Variants in AGBL1 observed in about 807,000 individuals in gnomAD.
The protein encoded by AGBL1 is cytosolic carboxypeptidase 4.
A neutral mutation model predicts 118.9 loss-of-function variants in AGBL1; 130 were observed. The ratio of observed to expected loss-of-function variants is 1.09; its 90% CI spans 0.95 to 1.26. AGBL1 has a LOEUF of 1.26. Among genes scored for constraint, AGBL1 ranks in the 50% most tolerant of loss-of-function variants. The pLI is 0.00. For synonymous variants in AGBL1, 555 were observed against 478.9 expected (o/e 1.16, Z -2.08); for missense variants, 1,584 against 1,298.1 (o/e 1.22, Z -3.38).
chr15:86,641,862 A>G (rs1013103033), intron 21 of AGBL1, among the ~76,000 whole-genome samples: 1 of 152,194 alleles, frequency 6.6e-6, no homozygotes, highest in Non-Finnish European at 1.5e-5. Flanking sequence ...AACAACAAGC[A>G]TTCATTTTCA....
At chr15:86,970,695 C>A (rs562385570) in intron 23 of AGBL1, among the ~76,000 whole-genome samples, 1 of 152,024 alleles carries the variant, frequency 6.6e-6, no homozygotes, top group South Asian at 2.1e-4. Flanking sequence ...CATTACAAAG[C>A]AATTTACAAA....
intron 6 of AGBL1, among the ~76,000 whole-genome samples, chr15:86,226,076 C>G (rs60159266): frequency 0.017 from 2,654 of 152,128 alleles, 96 homozygotes; most frequent in African/African-American, 0.061. Context: ...AGCTTAAAGA[C>G]CTGCAGGTAG....
At chr15:86,270,676 G>T (rs183466640) in intron 14 of AGBL1, among the ~76,000 whole-genome samples, 1 of 152,318 alleles carries the variant, frequency 6.6e-6, no homozygotes, top group Non-Finnish European at 1.5e-5. Context: ...GCAGGGTACT[G>T]TCTCTATTTT....
At chr15:86,574,997 T>G (rs2142318863) in intron 21 of AGBL1, among the ~76,000 whole-genome samples, 1 of 150,890 alleles carries the variant, frequency 6.6e-6, no homozygotes, top group Non-Finnish European at 1.5e-5. Flanking sequence ...GAGACCAGCC[T>G]AACCAATATG....
chr15:86,332,676 C>T (rs2080292761), intron 17 of AGBL1, among the ~76,000 whole-genome samples: 1 of 150,496 alleles, frequency 6.6e-6, no homozygotes, highest in Non-Finnish European at 1.5e-5. Flanking sequence ...AAATTCTGGA[C>T]TCAAATTTGA....
rs150600663 is a variant in AGBL1 at position 86,339,914 on chromosome 15, C to T, written c.2374+44506C>T. ...CTGGGAGGCAGAGGTTGCAGTGAGCCGGGATTGTGCCACTGCCCTCCAGCC... is the reference window on the plus strand; with the variant it reads ...CTGGGAGGCAGAGGTTGCAGTGAGCTGGGATTGTGCCACTGCCCTCCAGCC... On this transcript the variant is annotated intron_variant, in intron 17 of 22. Transcript: ENST00000614907. Among the ~76,000 whole-genome samples, 1,364 of 151,674 alleles carry T rather than the reference C, an allele frequency of 9.0e-3. 27 individuals are homozygous for T. Among genetic ancestry groups the T allele is most frequent in the African/African-American group, 0.031 (1,296 of 41,290 alleles).
chr15:86,309,237 G>A (rs541908655), intron 17 of AGBL1, among the ~76,000 whole-genome samples: 23 of 152,272 alleles, frequency 1.5e-4, no homozygotes, highest in Middle Eastern at 3.4e-3. Context: ...TAGAAACACT[G>A]CTGATTTTTG....
intron 18 of AGBL1, among the ~76,000 whole-genome samples, chr15:86,422,405 C>A (rs1388639352): frequency 6.6e-6 from 1 of 152,100 alleles, no homozygotes; most frequent in Non-Finnish European, 1.5e-5. Context: ...CCAGTGAGAA[C>A]AAAGACACAA....
At position 86,563,294 on chromosome 15, in the gene AGBL1, T is replaced by C. The variant is rs557465961; in HGVS notation, c.2994+8757T>C. Among the ~76,000 whole-genome samples, 212 of 152,310 alleles carry C rather than the reference T, an allele frequency of 1.4e-3. 6 individuals are homozygous for C. The South Asian group carries it at 0.043, about 31-fold the overall frequency. ...TTGTGGGCATTGAGTGCTATAAATT[T>C]CCCTCTACACACTGCTTTAAATGTG... On this transcript the variant is annotated intron_variant, in intron 21 of 22. Coordinates refer to ENST00000614907, the MANE Select transcript of AGBL1 (RefSeq NM_001386094.1).
chr15:86,277,287 A>AGT (rs1487696529), intron 15 of AGBL1, among the ~76,000 whole-genome samples: 7 of 108,418 alleles, frequency 6.5e-5, no homozygotes, highest in East Asian at 4.7e-4. Context: ...AGAGAGAGAG[A>AGT]GAGTGTGTGT....
At chr15:86,086,552 G>T (rs1165564769) in intron 1 of AGBL1, among the ~76,000 whole-genome samples, 1 of 152,094 alleles carries the variant, frequency 6.6e-6, no homozygotes, top group African/African-American at 2.4e-5. Context: ...ATAAAACAGG[G>T]CATGATAGAA....
At chr15:86,451,788 T>C (rs556343737) in intron 18 of AGBL1, among the ~76,000 whole-genome samples, 4 of 152,210 alleles carry the variant, frequency 2.6e-5, no homozygotes, top group Admixed American at 2.6e-4. Context: ...TATCTCCTGC[T>C]TGTTTTCTCC....
At chr15:86,091,974 A>G (rs1307675580) in intron 1 of AGBL1, among the ~76,000 whole-genome samples, 1 of 152,146 alleles carries the variant, frequency 6.6e-6, no homozygotes, top group African/African-American at 2.4e-5. Flanking sequence ...ACTAGGTGGT[A>G]TATCTCTCTT....
intron 22 of AGBL1, among the ~76,000 whole-genome samples, chr15:86,826,876 ACTAT>A (rs936442341): frequency 6.6e-6 from 1 of 152,070 alleles, no homozygotes; most frequent in Non-Finnish European, 1.5e-5. Flanking sequence ...GCAGCACTTA[ACTAT>A]CAGACAAGGA....
At chr15:86,711,235 C>T (rs2142687496) in intron 22 of AGBL1, among the ~76,000 whole-genome samples, 1 of 152,282 alleles carries the variant, frequency 6.6e-6, no homozygotes, top group South Asian at 2.1e-4. Flanking sequence ...TAAAACCCAG[C>T]TTAGTTCTTT....
chr15:86,726,077 A>T (rs1434670542), intron 22 of AGBL1, among the ~76,000 whole-genome samples: 1 of 152,254 alleles, frequency 6.6e-6, no homozygotes, highest in Non-Finnish European at 1.5e-5. Flanking sequence ...CTGTCATAGG[A>T]TATAATAGTG....
intron 22 of AGBL1, among the ~76,000 whole-genome samples, chr15:86,758,596 C>G (rs1567160130): frequency 6.6e-6 from 1 of 152,040 alleles, no homozygotes; most frequent in South Asian, 2.1e-4. Context: ...TGAATGAATG[C>G]TCTGGATTAT....
At chr15:86,518,636 A>G (rs958107641) in intron 18 of AGBL1, among the ~76,000 whole-genome samples, 3 of 152,164 alleles carry the variant, frequency 2.0e-5, no homozygotes, top group Admixed American at 6.5e-5. Context: ...GCCTGAAAAG[A>G]ACAGAAAGAT....
Position 86,750,134 on chromosome 15 carries a change from G to A in AGBL1, c.3158+75698G>A, listed in dbSNP as rs548960416. Among the ~76,000 whole-genome samples the A allele has an allele frequency of 4.6e-5, 7 of 152,050 alleles. No homozygotes were observed. In the South Asian group the frequency reaches 1.5e-3, roughly 32 times the overall value. On this transcript the variant is annotated intron_variant, in intron 22 of 22. Coordinates refer to ENST00000614907, the MANE Select transcript of AGBL1 (RefSeq NM_001386094.1). ...AGAGGCAATAATTTTTAATACTCAG[G>A]ATTCCCTGCAGAAAAGTTTTCTAGT...
Sources: allele counts gnomAD v4.1 joint callset (sites outside exome capture counted in the v4.1 genomes callset), GRCh38; gene constraint gnomAD v4.1.1; transcripts MANE v1.5; gene names NCBI Gene and HGNC (gene_info 2026-07-23, HGNC 2026-07-21).